The following STXBP6 variants were observed in gnomAD, a reference collection of about 807,000 sequenced individuals.
STXBP6 encodes the protein syntaxin-binding protein 6.
A neutral mutation model predicts 26.9 loss-of-function variants in STXBP6; 21 were observed. The observed-to-expected ratio is 0.78, with a 90% CI of 0.55 to 1.12. STXBP6 has a LOEUF of 1.12. Among genes scored for constraint, STXBP6 ranks in the 50% most tolerant of loss-of-function variants. STXBP6 has a pLI of 0.00. For synonymous variants in STXBP6, 97 were observed against 92.6 expected (o/e 1.05, Z -0.27); for missense variants, 232 against 257.9 (o/e 0.90, Z 0.69).
intron 1 of STXBP6, among the ~76,000 whole-genome samples, chr14:24,979,662 C>T (rs1056195859): frequency 2.6e-5 from 4 of 152,206 alleles, no homozygotes; most frequent in Non-Finnish European, 5.9e-5. Flanking sequence ...TAGCTGTAGA[C>T]TGAGCATTTC....
intron 1 of STXBP6, among the ~76,000 whole-genome samples, chr14:25,025,340 G>A (rs2075331316): frequency 6.6e-6 from 1 of 152,008 alleles, no homozygotes; most frequent in Non-Finnish European, 1.5e-5. Flanking sequence ...TGGTTCTGGA[G>A]GAGAAAGTCT....
chr14:24,948,419 G>A (rs999139073), intron 2 of STXBP6, among the ~76,000 whole-genome samples: 6 of 152,160 alleles, frequency 3.9e-5, no homozygotes, highest in Admixed American at 2.6e-4. Context: ...AGCTCAGGCT[G>A]TAGGGCAGCA....
At chr14:24,927,388 T>A (rs892912570) in intron 2 of STXBP6, among the ~76,000 whole-genome samples, 1 of 152,228 alleles carries the variant, frequency 6.6e-6, no homozygotes, top group Non-Finnish European at 1.5e-5. Flanking sequence ...CTGAGCTGTG[T>A]TGACGCCTTT....
intron 2 of STXBP6, among the ~76,000 whole-genome samples, chr14:24,904,116 C>T (rs1422251805): frequency 1.3e-5 from 2 of 152,154 alleles, no homozygotes; most frequent in Non-Finnish European, 2.9e-5. Context: ...TCAGGAACAT[C>T]GCTCTTGTGA....
intron 1 of STXBP6, among the ~76,000 whole-genome samples, chr14:25,017,735 A>G (rs894002448): frequency 2.0e-5 from 3 of 152,200 alleles, no homozygotes; most frequent in African/African-American, 7.2e-5. Context: ...TCCAACTCTC[A>G]GAACAAACAT....
chr14:24,944,327 A>T (rs1164711033), intron 2 of STXBP6, among the ~76,000 whole-genome samples: 1 of 152,182 alleles, frequency 6.6e-6, no homozygotes, highest in Non-Finnish European at 1.5e-5. Context: ...AGGTAAATAA[A>T]CACAGCCATT....
chr14:25,044,861 C>T (rs1424334286), intron 1 of STXBP6, among the ~76,000 whole-genome samples: 1 of 152,188 alleles, frequency 6.6e-6, no homozygotes, highest in Non-Finnish European at 1.5e-5. Flanking sequence ...AGTCTTTACT[C>T]CTGCTTCATT....
At chr14:24,916,780 A>C (rs1403800794) in intron 2 of STXBP6, among the ~76,000 whole-genome samples, 2 of 152,070 alleles carry the variant, frequency 1.3e-5, no homozygotes, top group Non-Finnish European at 2.9e-5. Flanking sequence ...AGAAATGTGG[A>C]ATCTCAGGCT....
chr14:24,848,253 G>A (rs1307277561), intron 4 of STXBP6, among the ~76,000 whole-genome samples: 4 of 152,006 alleles, frequency 2.6e-5, no homozygotes, highest in Admixed American at 2.0e-4. Flanking sequence ...TCCCTTCAAG[G>A]CATATGTTGT....
chr14:24,874,029 T>C (rs768213887), intron 2 of STXBP6, among the ~76,000 whole-genome samples: 2 of 152,174 alleles, frequency 1.3e-5, no homozygotes, highest in South Asian at 2.1e-4. Context: ...AGGGAAGCAT[T>C]TGTAGGATCA....
chr14:24,899,803 A>AAAAAAAAAAGC, intron 2 of STXBP6, among the ~76,000 whole-genome samples: 1 of 80,092 alleles, frequency 1.2e-5, no homozygotes, highest in Non-Finnish European at 2.2e-5. Context: ...AAAAAAAGCA[A>AAAAAAAAAAGC]AAAAAAAAAA....
intron 2 of STXBP6, among the ~76,000 whole-genome samples, chr14:24,899,744 G>A (rs139169568): frequency 0.019 from 2,294 of 121,784 alleles, 65 homozygotes; most frequent in African/African-American, 0.066. Context: ...TCGTGCCACC[G>A]CACTCTAGCC....
intron 2 of STXBP6, among the ~76,000 whole-genome samples, chr14:24,950,744 A>C (rs903717679): frequency 6.6e-6 from 1 of 152,100 alleles, no homozygotes; most frequent in Non-Finnish European, 1.5e-5. Flanking sequence ...CTATTTAAAA[A>C]ATTTTTTTAA....
chr14:24,943,951 G>A (rs1410578864), intron 2 of STXBP6, among the ~76,000 whole-genome samples: 1 of 150,984 alleles, frequency 6.6e-6, no homozygotes, highest in Non-Finnish European at 1.5e-5. Flanking sequence ...TTTGTATTAA[G>A]CAACATGATT....
intron 1 of STXBP6, among the ~76,000 whole-genome samples, chr14:25,042,930 A>G (rs1304282102): frequency 6.6e-6 from 1 of 152,246 alleles, no homozygotes; most frequent in East Asian, 1.9e-4. Context: ...AATGCTGACC[A>G]CCACAAGAAC....
intron 2 of STXBP6, among the ~76,000 whole-genome samples, chr14:24,879,604 T>C (rs1355092029): frequency 6.6e-6 from 1 of 152,218 alleles, no homozygotes; most frequent in Admixed American, 6.5e-5. Context: ...GGAGATTCTA[T>C]TATGGTCCTA....
At chr14:24,812,787 G>A (rs1215017923) in intron 5 of STXBP6, 55 bp from the exon 6 acceptor site, 3 of 1,569,272 alleles carry the variant, frequency 1.9e-6, no homozygotes, top group Non-Finnish European at 2.6e-6. Flanking sequence ...TATTAGCAGA[G>A]AGATTTCACT....
chr14:25,026,467 AC>A lies in STXBP6; in HGVS notation c.-33+23410del, dbSNP rs2075351626. Among the ~76,000 whole-genome samples, 9 of 152,338 alleles carry A rather than the reference AC, an allele frequency of 5.9e-5. No homozygotes were observed. In the South Asian group the frequency reaches 1.7e-3, roughly 28 times the overall value. On this transcript the variant is annotated intron_variant, in intron 1 of 5. Coordinates refer to ENST00000323944, the MANE Select transcript of STXBP6 (RefSeq NM_001394410.1). ...TGCTCCAAGTAGGATCTAGGTCAGC[AC>A]CCCATAATCAAACACGGTAATACTG...
At chr14:24,975,506 C>T (rs146876819) in intron 1 of STXBP6, among the ~76,000 whole-genome samples, 2 of 152,288 alleles carry the variant, frequency 1.3e-5, no homozygotes, top group African/African-American at 4.8e-5. Flanking sequence ...CCTTGACAAA[C>T]ACTCCACATT....
Sources: allele counts gnomAD v4.1 joint callset (sites outside exome capture counted in the v4.1 genomes callset), GRCh38; gene constraint gnomAD v4.1.1; transcripts MANE v1.5; gene names NCBI Gene and HGNC (gene_info 2026-07-23, HGNC 2026-07-21).